The following FBN3 variants were observed in gnomAD, a reference collection of about 807,000 sequenced individuals.
The protein encoded by FBN3 is fibrillin 3.
Under a neutral mutation model 330.1 loss-of-function variants are expected in FBN3, and 234 were observed. The observed-to-expected ratio is 0.71, with a 90% CI of 0.64 to 0.79. The LOEUF is 0.79. Ranked by LOEUF, FBN3 falls within the 30% of genes least tolerant of loss-of-function variation. The pLI is 0.00. For missense variants in FBN3, 3,606 were observed against 3,886.9 expected (o/e 0.93, Z 1.92); for synonymous variants, 1,458 against 1,517.3 (o/e 0.96, Z 0.91).
At position 8,119,041 on chromosome 19, in the gene FBN3, A is replaced by G. The variant is rs762927713; in HGVS notation, c.3212-19T>C. 1 of 1,585,858 alleles carries G rather than the reference A, an allele frequency of 6.3e-7. No individual in the cohort carries two copies. ...TCCACGTCTGAAGGTTTGTGTGGAA[A>G]GAGAGAGCAGGCATGAAGGTGCTGA... On this transcript the variant is annotated intron_variant, in intron 25 of 63. Coordinates refer to ENST00000600128, the MANE Select transcript of FBN3 (RefSeq NM_032447.5).
chr19:8,071,955 G>T (rs73005512), intron 63 of FBN3, 93 bp downstream of exon 63: 16 of 1,292,038 alleles, frequency 1.2e-5, no homozygotes, highest in Middle Eastern at 2.1e-4. Context: ...GCTCCTTCTT[G>T]GGGGGGCTGA....
rs138809486 is a variant in FBN3 at position 8,147,167 on chromosome 19, G to A, written c.187C>T (p.Arg63Trp). Residue 63 changes from arginine to tryptophan, a missense_variant, in exon 3 of 64, where the codon CGG (arginine) becomes TGG (tryptophan). By Grantham distance (101) the Arg-to-Trp change is moderately radical. Transcript: ENST00000600128. ...ILQGPNVCGS[R>W]FHAYCCPGWR... is the part of the protein sequence containing the mutation. ...CCTGGACAGCAGTAGGCATGGAACCGGGAGCCGCACACATTCGGCCTTCGG... is the reference window on the plus strand; with the variant it reads ...CCTGGACAGCAGTAGGCATGGAACCAGGAGCCGCACACATTCGGCCTTCGG... The A allele has an allele frequency of 2.8e-5, 44 of 1,570,698 alleles. No individual in the cohort carries two copies. The Admixed American group carries it at 3.4e-4, about 12-fold the overall frequency.
rs769051725 is a variant in FBN3, at chr19:8,082,416, CTT to C, written c.7213+829_7213+830del. The stretch of plus-strand genomic sequence containing the variant: ...TCTTTTTTCTCTTTCTCCCCTTTCT[CTT>C]TGTTTCTTTCTCTCTCTCTCTCTTC... On this transcript the variant is annotated intron_variant, in intron 57 of 63. Coordinates refer to ENST00000600128, the MANE Select transcript of FBN3 (RefSeq NM_032447.5). Among the ~76,000 whole-genome samples the C allele has an allele frequency of 1.1e-4, 16 of 149,642 alleles. No homozygotes were observed. In the South Asian group the frequency reaches 1.3e-3, roughly 12 times the overall value.
At position 8,121,015 on chromosome 19, in the gene FBN3, AC is replaced by A. The variant is rs1339783662; in HGVS notation, c.3211+242del. Among the ~76,000 whole-genome samples, 4 of 151,428 alleles carry A rather than the reference AC, an allele frequency of 2.6e-5. No individual in the cohort carries two copies. Among genetic ancestry groups the A allele is most frequent in the Admixed American group, 2.6e-4 (4 of 15,180 alleles). On this transcript the variant is annotated intron_variant, in intron 25 of 63. Coordinates refer to ENST00000600128, the MANE Select transcript of FBN3 (RefSeq NM_032447.5). The surrounding 1 kb of genome is among the most constrained non-coding windows in gnomAD (Gnocchi z 4.5). ...TCCCTGTCCTCTACCCAAGCTACAC[AC>A]CCTCCCTGGGAGACCACACCCCAGT... is the stretch of plus-strand genomic sequence containing the variant.
At chr19:8,097,185 A>G (rs929910225) in intron 42 of FBN3, 104 bp downstream of exon 42, 1 of 1,483,448 alleles carries the variant, frequency 6.7e-7, no homozygotes, top group African/African-American at 1.4e-5. Flanking sequence ...TTATACATAC[A>G]GGGAAATGGA....
chr19:8,145,612 C>T (rs188726731), intron 5 of FBN3, among the ~76,000 whole-genome samples: 32 of 141,068 alleles, frequency 2.3e-4, no homozygotes, highest in African/African-American at 7.4e-4. Flanking sequence ...ACCTGGGAGG[C>T]GGAGCTTGCA....
chr19:8,089,745 C>T (rs2082050597), intron 50 of FBN3, 75 bp from the exon 51 acceptor site: 2 of 1,586,856 alleles, frequency 1.3e-6, no homozygotes, highest in Admixed American at 3.5e-5. Context: ...ACTCAAGGCC[C>T]CAAGGGGACA....
rs2082538384 is a variant in FBN3 at position 8,109,897 on chromosome 19, G to A, written c.4334-144C>T. ...GGGACAATGTCATGTCCTTCCCTGG[G>A]AAGAAACCTAAGGGGACAGGAGCCT... On this transcript the variant is annotated intron_variant, in intron 34 of 63. Coordinates refer to ENST00000600128, the MANE Select transcript of FBN3 (RefSeq NM_032447.5). The surrounding 1 kb of genome is among the most constrained non-coding windows in gnomAD (Gnocchi z 5.2). 1.1e-6 allele frequency: 1 copy of A among 902,378 alleles called. No individual in the cohort carries two copies. Among genetic ancestry groups the A allele is most frequent in the Non-Finnish European group, 1.6e-6 (1 of 641,474 alleles). The allele number at this position is 902,378 out of a possible 1,614,324, so 55.9% of individuals were successfully genotyped here.
chr19:8,106,000 G>T, intron 38 of FBN3, 108 bp downstream of exon 38: 1 of 1,339,226 alleles, frequency 7.5e-7, no homozygotes, highest in Non-Finnish European at 1.0e-6. Flanking sequence ...GGGGGCAGAA[G>T]CCTTTCCATG....
chr19:8,102,444 C>CTG (rs1207747915), intron 40 of FBN3, among the ~76,000 whole-genome samples: 5 of 152,074 alleles, frequency 3.3e-5, no homozygotes, highest in Non-Finnish European at 7.4e-5. Context: ...TTTCGAATGC[C>CTG]TGACCTCAAG....
At chr19:8,082,133 TC>T (rs887937295) in intron 57 of FBN3, among the ~76,000 whole-genome samples, 13 of 111,316 alleles carry the variant, frequency 1.2e-4, no homozygotes. Context: ...TAATTTTTTT[TC>T]TTTTTTTCTT....
chr19:8,067,861 G>A (rs1377689796), intron 63 of FBN3, among the ~76,000 whole-genome samples: 3 of 152,110 alleles, frequency 2.0e-5, no homozygotes, highest in East Asian at 1.9e-4. Flanking sequence ...CCAGGAGTTC[G>A]AGACCAGCCT....
chr19:8,111,556 T>A, intron 32 of FBN3, 92 bp downstream of exon 32: 3 of 1,361,516 alleles, frequency 2.2e-6, no homozygotes, highest in Non-Finnish European at 3.0e-6. Flanking sequence ...TCAGAAGGAG[T>A]CAGGAGGTCG....
At position 8,118,905 on chromosome 19, in the gene FBN3, G is replaced by A. The variant is rs1131691961; in HGVS notation, c.3329C>T (p.Ala1110Val). The A allele has an allele frequency of 6.2e-7, 1 of 1,611,132 alleles. No homozygotes were observed. Among genetic ancestry groups the A allele is most frequent in the Non-Finnish European group, 8.5e-7 (1 of 1,177,524 alleles). ...CCCAGATGCACACTTACCCTCACAG[G>A]CAGTGCCCTTGGCCGTCAGCTCATG... ...PGHELTAKGT[A>V]CEDIDECSLS... Residue 1110 changes from alanine (A) to valine (V), a missense_variant, in exon 26 of 64, where the codon GCC becomes GTC. Physicochemically the swap from Ala to Val is moderately conservative, Grantham distance 64 (BLOSUM62 0). Coordinates refer to ENST00000600128, the MANE Select transcript of FBN3 (RefSeq NM_032447.5).
intron 30 of FBN3, among the ~76,000 whole-genome samples, chr19:8,114,840 C>A (rs1394494140): frequency 6.6e-6 from 1 of 151,900 alleles, no homozygotes; most frequent in Non-Finnish European, 1.5e-5. Context: ...CTCCTGGGTT[C>A]ACGCCATTCT....
At chr19:8,106,661 G>T (rs914067255) in intron 37 of FBN3, among the ~76,000 whole-genome samples, 1 of 152,022 alleles carries the variant, frequency 6.6e-6, no homozygotes, top group Admixed American at 6.6e-5. Context: ...AAGATGATGA[G>T]TGAGTGGATG....
chr19:8,096,821 C>G lies in FBN3; in HGVS notation c.5413+60G>C. On this transcript the variant is annotated intron_variant, in intron 43 of 63. Coordinates refer to ENST00000600128, the MANE Select transcript of FBN3 (RefSeq NM_032447.5). The surrounding 1 kb of genome is among the most constrained non-coding windows in gnomAD (Gnocchi z 4.6). The stretch of plus-strand genomic sequence containing the variant: ...AGACCTGGACAGAGCCATACCCCAT[C>G]TAAGTCCCCATGGGTGACAGAGCCC... The G allele has an allele frequency of 6.3e-7, 1 of 1,587,142 alleles. No homozygotes were observed. Among genetic ancestry groups the G allele is most frequent in the South Asian group, 1.1e-5 (1 of 89,586 alleles).
Position 8,131,061 on chromosome 19 carries a change from C to T in FBN3, c.2044+174G>A, listed in dbSNP as rs948071935. ...CCAGCCCTGCCCGCACCTTGATCTC[C>T]GACCTCTGGCCTGCAGGAGTGTGAG... On this transcript the variant is annotated intron_variant, in intron 16 of 63. Coordinates refer to ENST00000600128, the MANE Select transcript of FBN3 (RefSeq NM_032447.5). This position sits in a 1 kb window ranked among gnomAD's most constrained non-coding sequence, Gnocchi z 4.5. Among the ~76,000 whole-genome samples the T allele has an allele frequency of 5.3e-5, 8 of 152,292 alleles. No homozygotes were observed. In the East Asian group the frequency reaches 9.6e-4, roughly 18 times the overall value.
intron 6 of FBN3, among the ~76,000 whole-genome samples, chr19:8,144,270 G>A (rs762571451): frequency 2.0e-5 from 3 of 152,038 alleles, no homozygotes; most frequent in African/African-American, 4.8e-5. Flanking sequence ...GCGTGGGGAT[G>A]CCTGTAATCC....
Sources: gnomAD v4.1 joint callset for allele counts (sites outside exome capture counted in the v4.1 genomes callset) on GRCh38, gnomAD v4.1.1 for gene constraint, Gnocchi (gnomAD v3.1) non-coding constraint, MANE v1.5 for transcripts, NCBI Gene and HGNC (gene_info 2026-07-23, HGNC 2026-07-21) for gene names.